The following KMO variants were observed in gnomAD, a reference collection of about 807,000 sequenced individuals.
The protein encoded by KMO is kynurenine 3-monooxygenase.
Under a neutral mutation model 57.8 loss-of-function variants are expected in KMO, and 24 were observed. That is an observed-to-expected ratio of 0.42 (90% CI 0.30 to 0.58). The LOEUF is 0.58. KMO is among the 20% of genes least tolerant of loss of function. The pLI is 0.22. For missense variants in KMO, 483 were observed against 588.2 expected, an observed-to-expected ratio of 0.82 and a Z score of 1.85; for synonymous variants, 210 against 193.6, an observed-to-expected ratio of 1.08 and a Z score of -0.70.
In KMO at chr1:241,592,946, G is replaced by T. The variant is rs1017847776; in HGVS notation, c.*793G>T. The T allele has an allele frequency of 6.4e-6, 1 of 155,690 alleles. No individual in the cohort carries two copies. The highest frequency in any genetic ancestry group is 2.4e-5 in the African/African-American group (1 of 41,398). The allele number at this position is 155,690 out of a possible 1,614,324, so 9.6% of individuals were successfully genotyped here. A position where few individuals can be genotyped will look rare whatever the true frequency, so the allele number is the denominator to read the frequency against. On this transcript the variant is annotated 3_prime_UTR_variant, in exon 15 of 15. Coordinates refer to ENST00000366559, the MANE Select transcript of KMO (RefSeq NM_003679.5). ...CTCCCAAATAGCTGGGGCTACCATGGTATTTTTCAGTAGAGACCGGGTCTT... is the reference window on the plus strand; with the variant it reads ...CTCCCAAATAGCTGGGGCTACCATGTTATTTTTCAGTAGAGACCGGGTCTT...
At chr1:241,533,415 A>G (rs1358569235) in intron 1 of KMO, among the ~76,000 whole-genome samples, 1 of 152,234 alleles carries the variant, frequency 6.6e-6, no homozygotes, top group African/African-American at 2.4e-5. Flanking sequence ...ACATGTATTT[A>G]TACAGTATAT....
At chr1:241,560,881 T>C (rs1235179914) in intron 6 of KMO, 129 bp downstream of exon 6, 1 of 672,742 alleles carries the variant, frequency 1.5e-6, no homozygotes, top group Non-Finnish European at 2.6e-6. Flanking sequence ...AAATAGTTTC[T>C]AGATTCAAGG....
At chr1:241,545,846 G>C (rs1661127882) in intron 1 of KMO, among the ~76,000 whole-genome samples, 1 of 152,100 alleles carries the variant, frequency 6.6e-6, no homozygotes, top group African/African-American at 2.4e-5. Flanking sequence ...ATGTAAAGAA[G>C]AAAGATAACA....
rs1162492879 is a variant in KMO at position 241,590,294 on chromosome 1, A to C, written c.1260+31A>C. On this transcript the variant is annotated intron_variant, in intron 14 of 14. Transcript: ENST00000366559. ...AACAGTTACATTTTATTTATTTTTTAATGTGGTGTTTTGAAATGTCATAGT... is the reference window on the plus strand; with the variant it reads ...AACAGTTACATTTTATTTATTTTTTCATGTGGTGTTTTGAAATGTCATAGT... 2.7e-5 allele frequency: 42 copies of C among 1,529,528 alleles called. 1 individual carries two copies. The highest frequency in any genetic ancestry group is 3.4e-5 in the Non-Finnish European group (37 of 1,103,844). 94.7% of individuals were successfully genotyped at this position (1,529,528 alleles called of 1,614,324 possible).
At position 241,594,818 on chromosome 1, in the gene KMO, G is replaced by T. The variant is rs1333825465; in HGVS notation, c.*2665G>T. ...GTTTGTTAGCAGGTGTGGATGTGGG[G>T]TTATGTGGTCATGCTCAGATCTACC... On this transcript the variant is annotated 3_prime_UTR_variant, in exon 15 of 15. Coordinates refer to ENST00000366559, the MANE Select transcript of KMO (RefSeq NM_003679.5). 21 of 1,024,960 alleles carry T rather than the reference G, an allele frequency of 2.0e-5. No homozygotes were observed. The highest frequency in any genetic ancestry group is 2.8e-5 in the Non-Finnish European group (20 of 704,650). The allele number at this position is 1,024,960 out of a possible 1,614,324, so 63.5% of individuals were successfully genotyped here. A position where few individuals can be genotyped will look rare whatever the true frequency, so the allele number is the denominator to read the frequency against.
rs531849092 is a variant in KMO, at chr1:241,573,372, C to A, written c.957+4725C>A. On this transcript the variant is annotated intron_variant, in intron 10 of 14. Transcript: ENST00000366559. Reference sequence around the variant, plus strand: ...CCTAGGCCAATGTCCAGAGGAGTTTCTCCTAGGTTATATTCTAGAATTTTT... The same window carrying A: ...CCTAGGCCAATGTCCAGAGGAGTTTATCCTAGGTTATATTCTAGAATTTTT... Among the ~76,000 whole-genome samples, 4 of 152,180 alleles carry A rather than the reference C, an allele frequency of 2.6e-5. No individual in the cohort carries two copies. In the South Asian group the frequency reaches 8.3e-4, roughly 32 times the overall value.
At chr1:241,564,719 G>C (rs201194981) in intron 7 of KMO, among the ~76,000 whole-genome samples, 6 of 101,550 alleles carry the variant, frequency 5.9e-5, no homozygotes, top group South Asian at 3.4e-4. Context: ...TGTTCTCTCT[G>C]TCTTTTTCCT....
In KMO at chr1:241,595,038, GC is replaced by G. The variant is rs1663459064; in HGVS notation, c.*2887del. 1 of 190,756 alleles carries G rather than the reference GC, an allele frequency of 5.2e-6. No homozygotes were observed. The highest frequency in any genetic ancestry group is 1.5e-4 in the South Asian group (1 of 6,888). 11.8% of individuals were successfully genotyped at this position (190,756 alleles called of 1,614,324 possible). On this transcript the variant is annotated 3_prime_UTR_variant, in exon 15 of 15. Transcript: ENST00000366559. ...TTCAGTGGGCATCTACTAGGTGACAGCCACTGTGCTATAATTAGAGACTTTT... is the reference window on the plus strand; with the variant it reads ...TTCAGTGGGCATCTACTAGGTGACAGCACTGTGCTATAATTAGAGACTTTT...
intron 1 of KMO, among the ~76,000 whole-genome samples, chr1:241,535,590 T>G (rs547060050): frequency 5.9e-5 from 9 of 152,296 alleles, no homozygotes; most frequent in African/African-American, 2.2e-4. Context: ...AAAAAACTCC[T>G]AATGAGAAAC....
At position 241,565,930 on chromosome 1, in the gene KMO, C is replaced by T. The variant is rs568971904; in HGVS notation, c.688-561C>T. On this transcript the variant is annotated intron_variant, in intron 8 of 14. Transcript: ENST00000366559. ...AGTAATTTAAAGACTGTAGGCTGGG[C>T]GTGGTGGCTCATGCCTGTAATCCCA... Among the ~76,000 whole-genome samples, 4 of 152,182 alleles carry T rather than the reference C, an allele frequency of 2.6e-5. No individual in the cohort carries two copies. In the East Asian group the frequency reaches 5.8e-4, roughly 22 times the overall value.
At chr1:241,555,297 T>A (rs914138102) in intron 4 of KMO, among the ~76,000 whole-genome samples, 7 of 152,240 alleles carry the variant, frequency 4.6e-5, no homozygotes, top group Non-Finnish European at 1.0e-4. Context: ...GCTGAAAATA[T>A]TACATTTATG....
At chr1:241,587,131 C>G (rs928653530) in intron 11 of KMO, among the ~76,000 whole-genome samples, 1 of 152,104 alleles carries the variant, frequency 6.6e-6, no homozygotes, top group African/African-American at 2.4e-5. Context: ...TTTCCACAGA[C>G]AGGGGGTGGG....
chr1:241,555,091 T>C (rs973903213), intron 4 of KMO, among the ~76,000 whole-genome samples: 12 of 152,140 alleles, frequency 7.9e-5, no homozygotes, highest in African/African-American at 2.9e-4. Flanking sequence ...CAACACATGT[T>C]CCATGCAAGG....
chr1:241,555,282 C>A (rs540309948), intron 4 of KMO, among the ~76,000 whole-genome samples: 44 of 152,224 alleles, frequency 2.9e-4, no homozygotes, highest in African/African-American at 1.1e-3. Context: ...AATTTGGAGA[C>A]CTAAGCTGAA....
intron 10 of KMO, among the ~76,000 whole-genome samples, chr1:241,570,656 G>A (rs1047718165): frequency 6.6e-6 from 1 of 152,010 alleles, no homozygotes; most frequent in Non-Finnish European, 1.5e-5. Context: ...CTGTCTCTAT[G>A]CCCGTACCAT....
rs550315849 is a variant in KMO, at chr1:241,556,545, C to T, written c.361+885C>T. ...ATGAAGAACTCACACTCTAATGGAA[C>T]GACAGATAAACTCAAACAATTTGCA... On this transcript the variant is annotated intron_variant, in intron 5 of 14. Transcript: ENST00000366559. Among the ~76,000 whole-genome samples the T allele has an allele frequency of 3.9e-5, 6 of 152,244 alleles. No homozygotes were observed. The East Asian group carries it at 7.7e-4, about 20-fold the overall frequency.
chr1:241,588,192 A>G (rs1663085358), intron 11 of KMO, among the ~76,000 whole-genome samples: 1 of 152,058 alleles, frequency 6.6e-6, no homozygotes, highest in Admixed American at 6.6e-5. Flanking sequence ...ATAAAGTTTT[A>G]AAAAGAAAAA....
chr1:241,575,931 T>A (rs1662496873), intron 10 of KMO, among the ~76,000 whole-genome samples: 1 of 152,038 alleles, frequency 6.6e-6, no homozygotes, highest in South Asian at 2.1e-4. Context: ...TTTATAAATT[T>A]AAGAGCTCCA....
chr1:241,593,455 TA>T lies in KMO; in HGVS notation c.*1306del. 2.8e-6 allele frequency: 1 copy of T among 360,020 alleles called. No individual in the cohort carries two copies. Among genetic ancestry groups the T allele is most frequent in the South Asian group, 2.1e-5 (1 of 46,766 alleles). 22.3% of individuals were successfully genotyped at this position (360,020 alleles called of 1,614,324 possible). On this transcript the variant is annotated 3_prime_UTR_variant, in exon 15 of 15. Transcript: ENST00000366559. ...AAGAAATAAAAATTGGGCAATAAAA[TA>T]AAATGATTCAGTGTTTCTTTTCTAT...
Sources: gnomAD v4.1 joint callset for allele counts (sites outside exome capture counted in the v4.1 genomes callset) on GRCh38, gnomAD v4.1.1 for gene constraint, MANE v1.5 for transcripts, NCBI Gene and HGNC (gene_info 2026-07-23, HGNC 2026-07-21) for gene names.